Variants in ITGA9 observed in about 807,000 individuals in gnomAD.
The protein encoded by ITGA9 is integrin subunit alpha 9.
Under a neutral mutation model 127.8 loss-of-function variants are expected in ITGA9, and 56 were observed. The observed-to-expected ratio is 0.44, with a 90% CI of 0.35 to 0.55. The LOEUF is 0.55. ITGA9 is among the 20% of genes least tolerant of loss of function. The probability of loss-of-function intolerance (pLI) is 0.00; values close to 1 mark genes in which losing one functional copy is unlikely to be tolerated. For missense variants in ITGA9, 1,196 were observed against 1,347.1 expected, an observed-to-expected ratio of 0.89 and a Z score of 1.76; for synonymous variants, 508 against 514.5, an observed-to-expected ratio of 0.99 and a Z score of 0.17.
chr3:37,533,645 G>A (rs1283341614), intron 14 of ITGA9, among the ~76,000 whole-genome samples, 177 bp downstream of exon 14: 1 of 152,186 alleles, frequency 6.6e-6, no homozygotes, highest in Non-Finnish European at 1.5e-5. Flanking sequence ...TTATCAACAT[G>A]TTTCTAATGT....
At chr3:37,460,217 C>A (rs1698301764) in intron 1 of ITGA9, among the ~76,000 whole-genome samples, 1 of 152,130 alleles carries the variant, frequency 6.6e-6, no homozygotes, top group Non-Finnish European at 1.5e-5. Context: ...GGGTTTGTAA[C>A]TTTATTAAAG....
At chr3:37,578,107 G>A in intron 15 of ITGA9, among the ~76,000 whole-genome samples, 2 of 152,288 alleles carry the variant, frequency 1.3e-5, no homozygotes, top group Middle Eastern at 6.8e-3. Flanking sequence ...AATTGTTTTG[G>A]GGGGTGGGAG....
chr3:37,777,548 C>T (rs748120966), intron 24 of ITGA9, 31 bp downstream of exon 24: 18 of 1,612,764 alleles, frequency 1.1e-5, no homozygotes, highest in East Asian at 4.5e-5. Context: ...TGGGGTAACA[C>T]GGGTGGTCCT....
Position 37,462,053 on chromosome 3 carries a change from CT to C in ITGA9, c.186-8953del, listed in dbSNP as rs1698321179. On this transcript the variant is annotated intron_variant, in intron 1 of 27. Transcript: ENST00000264741. ...AAGATATCAAGGCTTTTTCTTAGAT[CT>C]GCCAGAAGTCTGTAATTTGCTCTAT... 2.0e-5 allele frequency among the ~76,000 whole-genome samples: 3 copies of C among 152,218 alleles called. No individual in the cohort carries two copies. In the South Asian group the frequency reaches 6.2e-4, roughly 32 times the overall value.
Position 37,481,482 on chromosome 3 carries a change from A to T in ITGA9, c.421-2A>T. 1 of 1,614,098 alleles carries T rather than the reference A, an allele frequency of 6.2e-7. No individual in the cohort carries two copies. On this transcript the variant is annotated splice_acceptor_variant, in intron 3 of 27. Transcript: ENST00000264741. LOFTEE classifies it high-confidence loss of function. ...GCTCTCAACTGCTCTCTATCCCTTTAGGCCTGTGCTCATCGCTGGAAGAAC... is the reference window on the plus strand; with the variant it reads ...GCTCTCAACTGCTCTCTATCCCTTTTGGCCTGTGCTCATCGCTGGAAGAAC...
chr3:37,588,698 G>A (rs549973312), intron 15 of ITGA9, among the ~76,000 whole-genome samples: 3 of 152,314 alleles, frequency 2.0e-5, no homozygotes, highest in South Asian at 4.1e-4. Context: ...CCTCTTGCCT[G>A]GGTCTTACCC....
chr3:37,644,001 A>G (rs1413681596), intron 16 of ITGA9, among the ~76,000 whole-genome samples: 1 of 152,140 alleles, frequency 6.6e-6, no homozygotes, highest in East Asian at 1.9e-4. Context: ...CTGACTAATT[A>G]ACAGCAACTA....
intron 15 of ITGA9, among the ~76,000 whole-genome samples, chr3:37,576,501 T>C (rs1331895615): frequency 6.6e-6 from 1 of 152,170 alleles, no homozygotes; most frequent in Non-Finnish European, 1.5e-5. Flanking sequence ...CACTTTTTGC[T>C]TAGAAAAGTC....
At chr3:37,741,431 C>T (rs890977115) in intron 20 of ITGA9, among the ~76,000 whole-genome samples, 16 of 152,224 alleles carry the variant, frequency 1.1e-4, no homozygotes, top group African/African-American at 3.9e-4. Flanking sequence ...TCCTGTATGG[C>T]ATGCCTTTAT....
At chr3:37,765,940 T>A (rs1235857878) in intron 23 of ITGA9, among the ~76,000 whole-genome samples, 1 of 152,248 alleles carries the variant, frequency 6.6e-6, no homozygotes, top group African/African-American at 2.4e-5. Context: ...GCTAGTTGAA[T>A]GCCGATGCGT....
At position 37,820,553 on chromosome 3, in the gene ITGA9, A is replaced by T. The variant is rs1415651819; in HGVS notation, c.*1564A>T. 1 of 152,252 alleles carries T rather than the reference A, an allele frequency of 6.6e-6. No homozygotes were observed. The highest frequency in any genetic ancestry group is 1.9e-4 in the East Asian group (1 of 5,202). The allele number at this position is 152,252 out of a possible 1,614,324, so 9.4% of individuals were successfully genotyped here. A position where few individuals can be genotyped will look rare whatever the true frequency, so the allele number is the denominator to read the frequency against. ...TGTTTGACAGTAGATATATTGTCAG[A>T]TGCACTGTGCTGCTTAGTTTTGAGT... On this transcript the variant is annotated 3_prime_UTR_variant, in exon 28 of 28. Transcript: ENST00000264741.
intron 1 of ITGA9, among the ~76,000 whole-genome samples, chr3:37,470,140 G>GTTTTTTTTTTT: frequency 7.5e-6 from 1 of 133,076 alleles, no homozygotes; most frequent in Middle Eastern, 4.1e-3. Context: ...GTTTCTTCTT[G>GTTTTTTTTTTT]TTTTTTTTTT....
At chr3:37,526,366 C>T (rs557579612) in intron 13 of ITGA9, among the ~76,000 whole-genome samples, 1 of 151,670 alleles carries the variant, frequency 6.6e-6, no homozygotes, top group Non-Finnish European at 1.5e-5. Context: ...ACTCTTAAGC[C>T]TAACTCTTAA....
At chr3:37,581,967 G>A (rs1699713784) in intron 15 of ITGA9, among the ~76,000 whole-genome samples, 1 of 152,182 alleles carries the variant, frequency 6.6e-6, no homozygotes, top group Admixed American at 6.5e-5. Flanking sequence ...AGCAGCCCCT[G>A]TTCTGGTTCT....
At chr3:37,500,343 A>G (rs978360728) in intron 5 of ITGA9, among the ~76,000 whole-genome samples, 2 of 152,212 alleles carry the variant, frequency 1.3e-5, no homozygotes, top group African/African-American at 4.8e-5. Context: ...CTTATCATCA[A>G]CAGCTTCCTT....
intron 10 of ITGA9, 111 bp downstream of exon 10, chr3:37,517,720 C>A: frequency 1.3e-6 from 1 of 797,580 alleles, no homozygotes; most frequent in Non-Finnish European, 2.1e-6. Context: ...GCTCCTGGGT[C>A]TACTGATCCC....
rs79894805 is a variant in ITGA9, at chr3:37,774,318, C to G, written c.2542-3074C>G. 6.0e-4 allele frequency among the ~76,000 whole-genome samples: 91 copies of G among 152,298 alleles called. No individual in the cohort carries two copies. In the East Asian group the frequency reaches 0.013, roughly 21 times the overall value. Reference sequence around the variant, plus strand: ...TGCCTCCTTCCCATTGTTTCCCTCTCGTGACCTCTAAAATCGTCCAGACCT... The same window carrying G: ...TGCCTCCTTCCCATTGTTTCCCTCTGGTGACCTCTAAAATCGTCCAGACCT... On this transcript the variant is annotated intron_variant, in intron 23 of 27. Coordinates refer to ENST00000264741, the MANE Select transcript of ITGA9 (RefSeq NM_002207.3).
chr3:37,696,679 A>G (rs1037918643), intron 18 of ITGA9, among the ~76,000 whole-genome samples: 3 of 152,184 alleles, frequency 2.0e-5, no homozygotes, highest in African/African-American at 7.2e-5. Flanking sequence ...CTGCAATTCA[A>G]CCAGCCCAGC....
At chr3:37,512,535 G>A (rs998990219) in intron 8 of ITGA9, among the ~76,000 whole-genome samples, 17 of 151,986 alleles carry the variant, frequency 1.1e-4, no homozygotes, top group Admixed American at 1.0e-3. Flanking sequence ...TTTTTTTAAA[G>A]TAGAGGTTGC....
Sources: allele counts gnomAD v4.1 joint callset (sites outside exome capture counted in the v4.1 genomes callset), GRCh38; gene constraint gnomAD v4.1.1; transcripts MANE v1.5; gene names NCBI Gene and HGNC (gene_info 2026-07-23, HGNC 2026-07-21).